The following TTF1 variants were observed in gnomAD, a reference collection of about 807,000 sequenced individuals.
TTF1 encodes transcription termination factor 1.
Under a neutral mutation model 80.2 loss-of-function variants are expected in TTF1, and 64 were observed. The observed-to-expected ratio is 0.80, with a 90% CI of 0.65 to 0.98. The LOEUF is 0.98. TTF1 is among the 50% of genes least tolerant of loss of function. The probability of loss-of-function intolerance (pLI) is 0.00; values close to 1 mark genes in which losing one functional copy is unlikely to be tolerated. For missense variants in TTF1, 1,023 were observed against 1,086.2 expected (o/e 0.94, Z 0.82); for synonymous variants, 372 against 382.7 (o/e 0.97, Z 0.33).
rs768424193 is a variant in TTF1, at chr9:132,401,450, G to A, written c.1367+5C>T. The A allele has an allele frequency of 6.9e-6, 11 of 1,600,120 alleles. No homozygotes were observed. Among genetic ancestry groups the A allele is most frequent in the East Asian group, 2.2e-5 (1 of 44,732 alleles). On this transcript the variant is annotated splice_donor_5th_base_variant and intron_variant, in intron 2 of 10. Coordinates refer to ENST00000334270, the MANE Select transcript of TTF1 (RefSeq NM_007344.4). Reference sequence around the variant, plus strand: ...CCAGCAGCTGGAATACCACTCCCTCGTTACCTTGGCGCCTCTTGCACGTGC... The same window carrying A: ...CCAGCAGCTGGAATACCACTCCCTCATTACCTTGGCGCCTCTTGCACGTGC...
chr9:132,390,851 G>A lies in TTF1; in HGVS notation c.1988-20C>T, dbSNP rs756933685. On this transcript the variant is annotated intron_variant, in intron 6 of 10. Transcript: ENST00000334270. The stretch of plus-strand genomic sequence containing the variant: ...TTCTTTCTGTAGATATAAAAAGATG[G>A]TCTTATAGTAGCTAGTCTATTTGCT... 6.3e-7 allele frequency: 1 copy of A among 1,599,442 alleles called. No homozygotes were observed. The highest frequency in any genetic ancestry group is 8.5e-7 in the Non-Finnish European group (1 of 1,170,788).
At chr9:132,393,351 G>C (rs1345989950) in intron 5 of TTF1, among the ~76,000 whole-genome samples, 6 of 152,166 alleles carry the variant, frequency 3.9e-5, no homozygotes, top group African/African-American at 1.2e-4. Flanking sequence ...ACGCTGGAAG[G>C]TTGTGGGTTC....
intron 7 of TTF1, among the ~76,000 whole-genome samples, chr9:132,389,343 G>A (rs566815867): frequency 9.2e-4 from 139 of 151,526 alleles, no homozygotes; most frequent in African/African-American, 2.3e-3. Context: ...CCATCCCGCC[G>A]GCTAATTTTT....
At chr9:132,380,390 T>C (rs912453531) in intron 9 of TTF1, among the ~76,000 whole-genome samples, 1 of 152,172 alleles carries the variant, frequency 6.6e-6, no homozygotes, top group Non-Finnish European at 1.5e-5. Flanking sequence ...ATTATCTCCT[T>C]TAGCCTTCCT....
At chr9:132,383,694 C>T (rs1343693191) in intron 9 of TTF1, among the ~76,000 whole-genome samples, 1 of 152,196 alleles carries the variant, frequency 6.6e-6, no homozygotes, top group East Asian at 1.9e-4. Context: ...GAGGGCTGGT[C>T]TGATTTATTT....
intron 1 of TTF1, among the ~76,000 whole-genome samples, chr9:132,405,640 C>T (rs1160772180): frequency 2.0e-5 from 3 of 152,190 alleles, no homozygotes; most frequent in African/African-American, 7.2e-5. Flanking sequence ...CTGCTAAAAA[C>T]TTTTTAGGGT....
chr9:132,402,583 G>A lies in TTF1; in HGVS notation c.239C>T (p.Thr80Ile). The change falls in exon 2 of 11, where the codon ACT becomes ATT. Residue 80 changes from threonine (T) to isoleucine (I), a missense_variant. Transcript: ENST00000334270. ...CTTTTTTCTCTTTTTGAGTGTGGAA[G>A]TGGCATTTGCAGTCTCATCACAGAT... ...SRICDETANA[T>I]STLKKRKKRR... 1.2e-6 allele frequency: 2 copies of A among 1,614,132 alleles called. No individual in the cohort carries two copies. The highest frequency in any genetic ancestry group is 4.5e-5 in the East Asian group (2 of 44,886).
chr9:132,393,582 G>A (rs532703970), intron 5 of TTF1, among the ~76,000 whole-genome samples: 171 of 152,318 alleles, frequency 1.1e-3, no homozygotes, highest in African/African-American at 3.9e-3. Context: ...GCTAATGACT[G>A]GCTTGCTGTT....
chr9:132,397,893 G>A (rs758447259), intron 4 of TTF1, among the ~76,000 whole-genome samples: 7 of 152,068 alleles, frequency 4.6e-5, no homozygotes, highest in Non-Finnish European at 1.0e-4. Context: ...GGCTGAGGCA[G>A]GAAAATCACT....
intron 10 of TTF1, among the ~76,000 whole-genome samples, chr9:132,376,727 A>T: frequency 6.7e-6 from 1 of 148,272 alleles, no homozygotes. Flanking sequence ...CAGTGGTGCG[A>T]TCACACTCAC....
intron 5 of TTF1, among the ~76,000 whole-genome samples, chr9:132,393,379 G>A (rs1227646169): frequency 6.6e-6 from 1 of 152,212 alleles, no homozygotes; most frequent in Non-Finnish European, 1.5e-5. Flanking sequence ...TGAGGGCAAG[G>A]AACACCGGGC....
intron 3 of TTF1, among the ~76,000 whole-genome samples, chr9:132,399,036 T>G (rs1391739947): frequency 6.6e-6 from 1 of 151,708 alleles, no homozygotes; most frequent in Non-Finnish European, 1.5e-5. Context: ...CCATCTCAAC[T>G]AAAAATACAA....
At chr9:132,401,332 T>A (rs1849758234) in intron 2 of TTF1, 123 bp downstream of exon 2, 1 of 844,688 alleles carries the variant, frequency 1.2e-6, no homozygotes, top group Non-Finnish European at 1.5e-6. Context: ...ACCTCAAAAA[T>A]AAATAAATAA....
At chr9:132,382,779 A>C (rs1849390817) in intron 9 of TTF1, among the ~76,000 whole-genome samples, 1 of 151,840 alleles carries the variant, frequency 6.6e-6, no homozygotes. Flanking sequence ...AAAAAAAAAA[A>C]AAAAAGTCAG....
At chr9:132,405,390 T>C (rs1458328681) in intron 1 of TTF1, among the ~76,000 whole-genome samples, 1 of 152,056 alleles carries the variant, frequency 6.6e-6, no homozygotes, top group Non-Finnish European at 1.5e-5. Flanking sequence ...GTATTTTTAG[T>C]AGAGACGGGG....
intron 5 of TTF1, among the ~76,000 whole-genome samples, chr9:132,393,053 AC>A (rs1800578546): frequency 6.6e-6 from 1 of 152,200 alleles, no homozygotes; most frequent in South Asian, 2.1e-4. Flanking sequence ...GCTGCTGGTC[AC>A]CATACTGGAA....
intron 6 of TTF1, among the ~76,000 whole-genome samples, chr9:132,391,428 C>T (rs974634660): frequency 2.0e-5 from 3 of 151,892 alleles, no homozygotes; most frequent in African/African-American, 7.3e-5. Flanking sequence ...GTTACATTTT[C>T]CCCTCAATAA....
intron 4 of TTF1, among the ~76,000 whole-genome samples, chr9:132,397,011 AGGCATGAGCCACCGCGCCC>A (rs1031022679): frequency 4.6e-5 from 7 of 152,082 alleles, no homozygotes; most frequent in Admixed American, 6.5e-5. Flanking sequence ...CTGGGATTAC[AGGCATGAGCCACCGCGCCC>A]GGCCTAAGAA....
Position 132,402,602 on chromosome 9 carries a change from C to T in TTF1, c.220G>A (p.Asp74Asn). The T allele has an allele frequency of 1.9e-6, 3 of 1,613,686 alleles. No homozygotes were observed. The highest frequency in any genetic ancestry group is 1.7e-6 in the Non-Finnish European group (2 of 1,179,918). The change falls in exon 2 of 11, where the codon GAT (aspartate) becomes AAT (asparagine). Residue 74 changes from aspartate (D) to asparagine (N), a missense_variant. Physicochemically the swap from Asp to Asn is conservative, Grantham distance 23 (BLOSUM62 1). Coordinates refer to ENST00000334270, the MANE Select transcript of TTF1 (RefSeq NM_007344.4). ...GTGGAAGTGGCATTTGCAGTCTCAT[C>T]ACAGATTCTGGATTTTTTCAAAGGA... ...SSPLKKSRICDETANATSTLK... is the reference protein window; with the variant it reads ...SSPLKKSRICNETANATSTLK...
Sources: gnomAD v4.1 joint callset for allele counts (sites outside exome capture counted in the v4.1 genomes callset) on GRCh38, gnomAD v4.1.1 for gene constraint, MANE v1.5 for transcripts, NCBI Gene and HGNC (gene_info 2026-07-23, HGNC 2026-07-21) for gene names.